Variants in ADGRB3 observed in about 807,000 individuals in gnomAD.
ADGRB3 encodes the protein brain-specific angiogenesis inhibitor 3.
In ADGRB3, 37 loss-of-function variants were observed where a neutral mutation model predicts 193.4. The observed-to-expected ratio is 0.19, with a 90% CI of 0.15 to 0.25. The LOEUF (loss-of-function observed/expected upper bound fraction) is 0.25, where lower values mean the gene tolerates loss of function less well. Ranked by LOEUF, ADGRB3 falls within the 10% of genes least tolerant of loss-of-function variation. ADGRB3 has a pLI of 1.00. For synonymous variants in ADGRB3, 690 were observed against 644.2 expected (o/e 1.07, Z -1.08); for missense variants, 1,637 against 1,852.9 (o/e 0.88, Z 2.14).
At chr6:68,651,439 A>G (rs1768364809) in intron 3 of ADGRB3, among the ~76,000 whole-genome samples, 1 of 152,122 alleles carries the variant, frequency 6.6e-6, no homozygotes, top group African/African-American at 2.4e-5. Context: ...GGAATTTTCT[A>G]ATGATCATAC....
chr6:69,127,819 A>G (rs1019036931), intron 17 of ADGRB3, among the ~76,000 whole-genome samples: 3 of 152,166 alleles, frequency 2.0e-5, no homozygotes, highest in Non-Finnish European at 4.4e-5. Flanking sequence ...TTAAAACTAT[A>G]CTACATGAAT....
At chr6:68,984,807 A>G (rs1319295436) in intron 10 of ADGRB3, among the ~76,000 whole-genome samples, 1 of 152,154 alleles carries the variant, frequency 6.6e-6, no homozygotes, top group East Asian at 1.9e-4. Context: ...TTTCTCCTTT[A>G]TAACCAGAGG....
intron 3 of ADGRB3, among the ~76,000 whole-genome samples, chr6:68,711,714 A>T (rs903971403): frequency 6.6e-6 from 1 of 152,104 alleles, no homozygotes; most frequent in Non-Finnish European, 1.5e-5. Context: ...AGCATGCTTG[A>T]TGGTCCATTT....
At chr6:69,004,981 G>A (rs907607668) in intron 11 of ADGRB3, among the ~76,000 whole-genome samples, 1 of 151,984 alleles carries the variant, frequency 6.6e-6, no homozygotes, top group African/African-American at 2.4e-5. Context: ...TCTCTCACAT[G>A]GTGGCCCTTA....
chr6:69,012,494 G>A (rs1298394320), intron 11 of ADGRB3, among the ~76,000 whole-genome samples: 2 of 152,030 alleles, frequency 1.3e-5, no homozygotes, highest in African/African-American at 4.8e-5. Context: ...TAGAGTTAGA[G>A]CTCAATGGAC....
chr6:68,658,915 C>T (rs1369152936), intron 3 of ADGRB3, among the ~76,000 whole-genome samples: 1 of 151,030 alleles, frequency 6.6e-6, no homozygotes, highest in Non-Finnish European at 1.5e-5. Context: ...GTCATTTCTA[C>T]TAGACAAAAA....
chr6:68,806,540 C>T (rs1190014740), intron 3 of ADGRB3, among the ~76,000 whole-genome samples: 3 of 151,758 alleles, frequency 2.0e-5, no homozygotes, highest in Admixed American at 1.3e-4. Context: ...TTATAATTCC[C>T]CTTCTCAGAG....
At chr6:68,957,504 T>C (rs2150257165) in intron 8 of ADGRB3, among the ~76,000 whole-genome samples, 1 of 152,292 alleles carries the variant, frequency 6.6e-6, no homozygotes. Context: ...ACTAAAGATG[T>C]GATAGGACAG....
intron 20 of ADGRB3, among the ~76,000 whole-genome samples, chr6:69,276,465 G>A (rs917659385): frequency 6.6e-6 from 1 of 152,126 alleles, no homozygotes; most frequent in African/African-American, 2.4e-5. Flanking sequence ...AAATGCTACA[G>A]GGCAGGTGGG....
chr6:69,093,160 G>C (rs993669899), intron 17 of ADGRB3, among the ~76,000 whole-genome samples: 1 of 151,698 alleles, frequency 6.6e-6, no homozygotes, highest in Admixed American at 6.6e-5. Flanking sequence ...ACGTTCAGGG[G>C]TACAAGGATG....
chr6:69,377,443 A>T (rs951637766), intron 30 of ADGRB3, among the ~76,000 whole-genome samples: 1 of 152,008 alleles, frequency 6.6e-6, no homozygotes, highest in Non-Finnish European at 1.5e-5. Flanking sequence ...AAGCCAAAAA[A>T]CTTAAAAATA....
chr6:69,281,582 A>G (rs1222926243), intron 20 of ADGRB3, among the ~76,000 whole-genome samples: 1 of 152,138 alleles, frequency 6.6e-6, no homozygotes, highest in Non-Finnish European at 1.5e-5. Context: ...GCCCATCTGC[A>G]CCTGCTGCAC....
At chr6:68,859,118 T>TCAAGTTC (rs1295649144) in intron 3 of ADGRB3, among the ~76,000 whole-genome samples, 2 of 152,340 alleles carry the variant, frequency 1.3e-5, no homozygotes, top group South Asian at 4.1e-4. Flanking sequence ...ATTATCTTTC[T>TCAAGTTC]CAAGTTCCAA....
intron 17 of ADGRB3, chr6:69,232,465 C>G: frequency 6.5e-7 from 1 of 1,528,370 alleles, no homozygotes; most frequent in Non-Finnish European, 8.7e-7. Context: ...GCTCTCTTCC[C>G]TACTCCTACT....
chr6:69,246,267 A>G (rs1268635667), intron 20 of ADGRB3, among the ~76,000 whole-genome samples: 1 of 152,182 alleles, frequency 6.6e-6, no homozygotes, highest in African/African-American at 2.4e-5. Context: ...CCTCAAATGA[A>G]TGTGTGATTT....
At chr6:68,803,303 C>T (rs1767345652) in intron 3 of ADGRB3, among the ~76,000 whole-genome samples, 1 of 152,150 alleles carries the variant, frequency 6.6e-6, no homozygotes. Context: ...TGTTCCTTTT[C>T]CTCTCCAGAG....
chr6:68,873,105 G>A (rs900553770), intron 3 of ADGRB3, among the ~76,000 whole-genome samples: 2 of 152,102 alleles, frequency 1.3e-5, no homozygotes, highest in African/African-American at 2.4e-5. Flanking sequence ...ACATGTGATG[G>A]TTTTAGGAAA....
At chr6:68,666,075 TC>T (rs1242672624) in intron 3 of ADGRB3, among the ~76,000 whole-genome samples, 3 of 151,920 alleles carry the variant, frequency 2.0e-5, no homozygotes, top group Admixed American at 2.0e-4. Context: ...GCGAGACACT[TC>T]CTATCTTTGA....
chr6:69,047,911 G>A (rs974085913), intron 13 of ADGRB3, among the ~76,000 whole-genome samples: 2 of 152,124 alleles, frequency 1.3e-5, no homozygotes, highest in East Asian at 1.9e-4. Flanking sequence ...CAATATAGCA[G>A]TGCCTGTTAA....
Sources: allele counts gnomAD v4.1 joint callset (sites outside exome capture counted in the v4.1 genomes callset), GRCh38; gene constraint gnomAD v4.1.1; transcripts MANE v1.5; gene names NCBI Gene and HGNC (gene_info 2026-07-23, HGNC 2026-07-21).